KCNMA1: variants seen among roughly 807,000 people sequenced by gnomAD.
KCNMA1 encodes Calcium-activated potassium channel subunit alpha-1.
Under a neutral mutation model 140.0 loss-of-function variants are expected in KCNMA1, and 29 were observed. The ratio of observed to expected loss-of-function variants is 0.21; its 90% CI spans 0.15 to 0.28. KCNMA1 has a LOEUF of 0.28. Ranked by LOEUF, KCNMA1 falls within the 10% of genes least tolerant of loss-of-function variation. KCNMA1 has a pLI of 1.00. For synonymous variants in KCNMA1, 612 were observed against 611.9 expected (o/e 1.00, Z 0.00); for missense variants, 880 against 1,602.2 (o/e 0.55, Z 7.70).
At chr10:77,273,839 G>A (rs979499731) in intron 2 of KCNMA1, among the ~76,000 whole-genome samples, 5 of 152,076 alleles carry the variant, frequency 3.3e-5, no homozygotes, top group African/African-American at 1.2e-4. Flanking sequence ...CAGCACAGGG[G>A]CTATCACAGA....
chr10:77,114,373 A>T (rs2097399778), intron 6 of KCNMA1, among the ~76,000 whole-genome samples: 1 of 152,156 alleles, frequency 6.6e-6, no homozygotes, highest in Non-Finnish European at 1.5e-5. Context: ...CATCCTGTTC[A>T]GTCCCACTGG....
In KCNMA1 at chr10:77,041,769, G is replaced by A. The variant is rs528845037; in HGVS notation, c.1750-2132C>T. ...CCAGTGGGGGCATGGGTAAGAGGAAGATGAGAGGAAGCCACCCCGCCAACA... is the reference window on the plus strand; with the variant it reads ...CCAGTGGGGGCATGGGTAAGAGGAAAATGAGAGGAAGCCACCCCGCCAACA... On this transcript the variant is annotated intron_variant, in intron 14 of 27. Coordinates refer to ENST00000286628, the MANE Select transcript of KCNMA1 (RefSeq NM_001161352.2). Among the ~76,000 whole-genome samples, 76 of 152,316 alleles carry A rather than the reference G, an allele frequency of 5.0e-4. 2 individuals carry two copies. The highest frequency in any genetic ancestry group is 1.8e-3 in the African/African-American group (76 of 41,558).
chr10:77,422,241 C>T (rs958918965), intron 1 of KCNMA1, among the ~76,000 whole-genome samples: 3 of 152,210 alleles, frequency 2.0e-5, no homozygotes, highest in Non-Finnish European at 4.4e-5. Flanking sequence ...TAGTGTGCAT[C>T]AGAGTCACCA....
chr10:77,022,129 G>A (rs1198916684), intron 16 of KCNMA1, among the ~76,000 whole-genome samples: 1 of 151,986 alleles, frequency 6.6e-6, no homozygotes, highest in African/African-American at 2.4e-5. Context: ...TTTTTCCAAG[G>A]ATCTCTGATC....
chr10:77,353,800 G>T (rs779584216), intron 2 of KCNMA1, among the ~76,000 whole-genome samples: 2 of 152,164 alleles, frequency 1.3e-5, no homozygotes, highest in African/African-American at 4.8e-5. Flanking sequence ...GCAATTACCT[G>T]AATGACAGAT....
At chr10:77,323,214 C>T (rs2082876032) in intron 2 of KCNMA1, among the ~76,000 whole-genome samples, 1 of 152,206 alleles carries the variant, frequency 6.6e-6, no homozygotes, top group South Asian at 2.1e-4. Flanking sequence ...ACAGGGCTCC[C>T]ATCCACATCT....
At chr10:76,975,582 G>A (rs1356603904) in intron 19 of KCNMA1, among the ~76,000 whole-genome samples, 1 of 152,212 alleles carries the variant, frequency 6.6e-6, no homozygotes, top group Admixed American at 6.5e-5. Flanking sequence ...CGACGAGGCT[G>A]AGCTATTAAG....
In KCNMA1 at chr10:77,183,401, G is replaced by A; in HGVS notation, c.808+20C>T. The A allele has an allele frequency of 6.5e-7, 1 of 1,533,282 alleles. No homozygotes were observed. Among genetic ancestry groups the A allele is most frequent in the African/African-American group, 1.4e-5 (1 of 73,440 alleles). 95.0% of individuals were successfully genotyped at this position (1,533,282 alleles called of 1,614,324 possible). A position where few individuals can be genotyped will look rare whatever the true frequency, so the allele number is the denominator to read the frequency against. On this transcript the variant is annotated intron_variant, in intron 5 of 27. Coordinates refer to ENST00000286628, the MANE Select transcript of KCNMA1 (RefSeq NM_001161352.2). The stretch of plus-strand genomic sequence containing the variant: ...ATGACTCAGGAACCAGGAAGGAGAA[G>A]GAAAGAGAGGCTGACTTACCAAGCC...
At chr10:77,107,198 A>G (rs2097214176) in intron 9 of KCNMA1, among the ~76,000 whole-genome samples, 1 of 152,192 alleles carries the variant, frequency 6.6e-6, no homozygotes, top group African/African-American at 2.4e-5. Context: ...ATTTCCTCTT[A>G]AAAAAACAAA....
intron 14 of KCNMA1, among the ~76,000 whole-genome samples, chr10:77,048,998 T>C (rs2095247321): frequency 6.6e-6 from 1 of 152,108 alleles, no homozygotes; most frequent in Non-Finnish European, 1.5e-5. Flanking sequence ...TCTCCTGACC[T>C]GGAGATCCAC....
chr10:76,963,360 G>A (rs1482121959), intron 20 of KCNMA1, among the ~76,000 whole-genome samples: 1 of 152,190 alleles, frequency 6.6e-6, no homozygotes, highest in Non-Finnish European at 1.5e-5. Flanking sequence ...CTGTGGACCA[G>A]CAAGCTATAT....
chr10:77,286,012 A>G (rs1294357024), intron 2 of KCNMA1, among the ~76,000 whole-genome samples: 1 of 152,196 alleles, frequency 6.6e-6, no homozygotes, highest in Non-Finnish European at 1.5e-5. Context: ...TGTGTAATCA[A>G]AGTAGTCATT....
chr10:77,090,428 C>G lies in KCNMA1; in HGVS notation c.1306G>C (p.Val436Leu). 6.2e-7 allele frequency: 1 copy of G among 1,613,644 alleles called. No homozygotes were observed. Among genetic ancestry groups the G allele is most frequent in the Non-Finnish European group, 8.5e-7 (1 of 1,179,558 alleles). Residue 436 changes from valine to leucine, a missense_variant, in exon 10 of 28, where the codon GTC becomes CTC. Physicochemically the swap from Val to Leu is conservative, Grantham distance 32. Around this residue, in one of 13 missense-constraint regions of KCNMA1, gnomAD observed 198 missense variants for 580.1 expected, o/e 0.34. Coordinates refer to ENST00000286628, the MANE Select transcript of KCNMA1 (RefSeq NM_001161352.2). ...TGAAGAAAAACGATCTCCACATTGA[C>G]GTCATCCCGGTCCTTGTGCAGAAAG... ...KDFLHKDRDD[V>L]NVEIVFLHNI...
intron 23 of KCNMA1, among the ~76,000 whole-genome samples, chr10:76,919,982 T>TTGTGTGTGTGTG (rs1196371060): frequency 3.5e-4 from 27 of 77,602 alleles, no homozygotes; most frequent in African/African-American, 1.3e-3. Flanking sequence ...GCAATGAGCA[T>TTGTGTGTGTGTG]TGTGTGTGTG....
At chr10:77,288,864 T>C (rs1010295106) in intron 2 of KCNMA1, among the ~76,000 whole-genome samples, 1 of 152,198 alleles carries the variant, frequency 6.6e-6, no homozygotes, top group African/African-American at 2.4e-5. Flanking sequence ...TTTCATAACA[T>C]AACCTGGAGT....
At chr10:77,075,915 C>T (rs553302652) in intron 13 of KCNMA1, among the ~76,000 whole-genome samples, 1 of 152,250 alleles carries the variant, frequency 6.6e-6, no homozygotes, top group South Asian at 2.1e-4. Flanking sequence ...GGAGGCAAAT[C>T]CTCTCTCCCT....
downstream of KCNMA1, among the ~76,000 whole-genome samples, chr10:76,881,881 G>A (rs1312853367): frequency 6.6e-6 from 1 of 152,076 alleles, no homozygotes; most frequent in Non-Finnish European, 1.5e-5. Context: ...GTTATTTCTG[G>A]GGAGCTTAGG....
At chr10:77,508,944 T>C (rs74410628) in intron 1 of KCNMA1, among the ~76,000 whole-genome samples, 15,760 of 152,290 alleles carry the variant, frequency 0.1, 1,066 homozygotes, top group Middle Eastern at 0.16. Context: ...CTTAGCATAA[T>C]GTCCTCAAGG....
At chr10:77,564,576 C>G (rs1236278506) in intron 1 of KCNMA1, among the ~76,000 whole-genome samples, 1 of 152,124 alleles carries the variant, frequency 6.6e-6, no homozygotes, top group Non-Finnish European at 1.5e-5. Flanking sequence ...GAGCAAGACT[C>G]TGTCTCAAAA....
Sources: gnomAD v4.1 joint callset for allele counts (sites outside exome capture counted in the v4.1 genomes callset) on GRCh38, gnomAD v4.1.1 for gene constraint, gnomAD v4.1.1 regional missense constraint, MANE v1.5 for transcripts, NCBI Gene and HGNC (gene_info 2026-07-23, HGNC 2026-07-21) for gene names.